Variants in DOCK7 observed in about 807,000 individuals in gnomAD.
DOCK7 encodes the protein dedicator of cytokinesis protein 7.
Under a neutral mutation model 271.0 loss-of-function variants are expected in DOCK7, and 138 were observed. The observed-to-expected ratio is 0.51, with a 90% CI of 0.44 to 0.59. DOCK7 has a LOEUF of 0.59. Ranked by LOEUF, DOCK7 falls within the 20% of genes least tolerant of loss-of-function variation. The pLI, the probability that DOCK7 is intolerant of heterozygous loss-of-function variation, is 0.00. For synonymous variants in DOCK7, 823 were observed against 876.1 expected, an observed-to-expected ratio of 0.94 and a Z score of 1.07; for missense variants, 2,066 against 2,592.4, an observed-to-expected ratio of 0.80 and a Z score of 4.41.
chr1:62,530,280 A>T (rs1297881835), intron 29 of DOCK7, among the ~76,000 whole-genome samples: 2 of 152,144 alleles, frequency 1.3e-5, no homozygotes, highest in Non-Finnish European at 1.5e-5. Flanking sequence ...TTTTAACACA[A>T]TTCCATCTTT....
intron 11 of DOCK7, among the ~76,000 whole-genome samples, chr1:62,626,336 GA>G (rs1297053946): frequency 6.6e-6 from 1 of 151,250 alleles, no homozygotes; most frequent in Non-Finnish European, 1.5e-5. Context: ...CAAAAGAAGA[GA>G]AAAAAAATCC....
intron 2 of DOCK7, among the ~76,000 whole-genome samples, chr1:62,661,536 T>G (rs1484162758): frequency 6.6e-6 from 1 of 152,104 alleles, no homozygotes; most frequent in Non-Finnish European, 1.5e-5. Flanking sequence ...TTTTTCTAAT[T>G]CAGCGTTTTT....
chr1:62,477,866 T>G (rs751127550), intron 43 of DOCK7, 41 bp from the exon 44 acceptor site: 4 of 1,536,166 alleles, frequency 2.6e-6, no homozygotes, highest in Non-Finnish European at 3.5e-6. Flanking sequence ...AACTTTAATA[T>G]GAAATCTTCC....
chr1:62,569,012 T>A (rs1010387758), intron 18 of DOCK7, among the ~76,000 whole-genome samples: 2 of 152,066 alleles, frequency 1.3e-5, no homozygotes, highest in Non-Finnish European at 2.9e-5. Context: ...GATAAATTCC[T>A]GGACATATAC....
At chr1:62,530,725 T>C (rs1192054133) in intron 29 of DOCK7, 1 of 154,846 alleles carries the variant, frequency 6.5e-6, no homozygotes, top group Non-Finnish European at 1.5e-5. Context: ...GTGGCACCAA[T>C]GGGCCTTGCC....
intron 14 of DOCK7, among the ~76,000 whole-genome samples, chr1:62,610,040 G>C (rs946114723): frequency 6.6e-6 from 1 of 152,026 alleles, no homozygotes; most frequent in African/African-American, 2.4e-5. Context: ...TAGTAGAGAC[G>C]GAGTTTCATC....
chr1:62,544,770 CTGGTGCAAT>C (rs1186004752), intron 23 of DOCK7, among the ~76,000 whole-genome samples, 168 bp downstream of exon 23: 1 of 152,112 alleles, frequency 6.6e-6, no homozygotes, highest in East Asian at 1.9e-4. Context: ...AAGAACATTA[CTGGTGCAAT>C]TGGTGGTACT....
intron 8 of DOCK7, 28 bp from the exon 9 acceptor site, chr1:62,634,950 A>T: frequency 6.7e-7 from 1 of 1,501,760 alleles, no homozygotes; most frequent in East Asian, 2.3e-5. Flanking sequence ...GTTAAACTTT[A>T]AAATATGTAC....
intron 7 of DOCK7, among the ~76,000 whole-genome samples, chr1:62,646,007 C>T (rs1403149366): frequency 1.3e-5 from 2 of 151,862 alleles, no homozygotes. Context: ...ATTAGCCAGG[C>T]GTGGTGACAT....
intron 4 of DOCK7, among the ~76,000 whole-genome samples, chr1:62,649,241 A>C (rs1657045117): frequency 6.6e-6 from 1 of 152,190 alleles, no homozygotes; most frequent in Non-Finnish European, 1.5e-5. Context: ...GCCAAACTGA[A>C]GGAACATTTT....
At chr1:62,644,967 A>C (rs965577614) in intron 7 of DOCK7, among the ~76,000 whole-genome samples, 3 of 152,186 alleles carry the variant, frequency 2.0e-5, no homozygotes, top group African/African-American at 7.2e-5. Flanking sequence ...ACTTTTATTA[A>C]TCAAGAAGAT....
chr1:62,592,304 A>T (rs1648565243), intron 14 of DOCK7, among the ~76,000 whole-genome samples: 1 of 152,160 alleles, frequency 6.6e-6, no homozygotes. Context: ...AAAAAGATGA[A>T]TTCCTATTTC....
rs146557825 is a variant in DOCK7, at chr1:62,475,922, C to G, written c.5746G>C (p.Val1916Leu). The G allele has an allele frequency of 6.2e-7, 1 of 1,613,748 alleles. No individual in the cohort carries two copies. The highest frequency in any genetic ancestry group is 1.7e-5 in the Admixed American group (1 of 60,000). The change falls in exon 46 of 50, where the codon GTG becomes CTG. Residue 1916 changes from valine (V) to leucine (L), a missense_variant. Transcript: ENST00000635253. ...PNKAYIQITY[V>L]EPYFDTYEMK... is the part of the protein sequence containing the mutation. ...TCATATGTGTCAAAGTATGGCTCCACATAGGTAATCTGAATATATGCCTAG... is the reference window on the plus strand; with the variant it reads ...TCATATGTGTCAAAGTATGGCTCCAGATAGGTAATCTGAATATATGCCTAG...
chr1:62,496,534 A>G, intron 37 of DOCK7, 37 bp from the exon 38 acceptor site: 2 of 1,554,558 alleles, frequency 1.3e-6, no homozygotes, highest in Non-Finnish European at 1.7e-6. Flanking sequence ...TACTTAATAT[A>G]GAAAAGCTTT....
At chr1:62,540,856 T>G in intron 25 of DOCK7, among the ~76,000 whole-genome samples, 1 of 77,404 alleles carries the variant, frequency 1.3e-5, no homozygotes, top group East Asian at 4.1e-4. Flanking sequence ...CGGTGAAAAT[T>G]ACAATTTTTA....
In DOCK7 at chr1:62,496,404, G is replaced by A; in HGVS notation, c.4858C>T (p.Leu1620=). The A allele has an allele frequency of 6.2e-7, 1 of 1,613,548 alleles. No individual in the cohort carries two copies. Among genetic ancestry groups the A allele is most frequent in the Non-Finnish European group, 8.5e-7 (1 of 1,179,706 alleles). Residue 1620 remains leucine, a synonymous_variant, in exon 38 of 50, where the codon CTA becomes TTA. Coordinates refer to ENST00000635253, the MANE Select transcript of DOCK7 (RefSeq NM_001367561.1). ...NFNEEFLRRS[L]KTILTYAEED... ...TCAGCATATGTCAATATAGTCTTTA[G>A]AGAACGTCTTAAGAATTCTTCATTA...
At position 62,513,215 on chromosome 1, in the gene DOCK7, C is replaced by T. The variant is rs376702061; in HGVS notation, c.4282+229G>A. On this transcript the variant is annotated intron_variant, in intron 33 of 49. Coordinates refer to ENST00000635253, the MANE Select transcript of DOCK7 (RefSeq NM_001367561.1). ...GAGAAAGTTTTCTAGAGAGGACTTT[C>T]TAGAGAACGTTTTCTAGAGAAGACT... 1.6e-3 allele frequency among the ~76,000 whole-genome samples: 197 copies of T among 120,842 alleles called. 3 individuals are homozygous for T. The highest frequency in any genetic ancestry group is 5.5e-3 in the African/African-American group (173 of 31,258). 79.3% of individuals were successfully genotyped at this position (120,842 alleles called of 152,430 possible).
At chr1:62,526,090 C>T (rs902716015) in intron 31 of DOCK7, among the ~76,000 whole-genome samples, 1 of 152,244 alleles carries the variant, frequency 6.6e-6, no homozygotes, top group South Asian at 2.1e-4. Context: ...TAGGCACATG[C>T]CACCACGCCC....
chr1:62,457,194 A>G (rs1645371771), intron 49 of DOCK7, among the ~76,000 whole-genome samples: 1 of 152,220 alleles, frequency 6.6e-6, no homozygotes, highest in Admixed American at 6.5e-5. Context: ...CCGGTTAATG[A>G]GTACCAACTT....
Sources: allele counts gnomAD v4.1 joint callset (sites outside exome capture counted in the v4.1 genomes callset), GRCh38; gene constraint gnomAD v4.1.1; transcripts MANE v1.5; gene names NCBI Gene and HGNC (gene_info 2026-07-23, HGNC 2026-07-21).